The following COL9A1 variants were observed in gnomAD, a reference collection of about 807,000 sequenced individuals.
The protein encoded by COL9A1 is collagen type IX alpha 1 chain.
Under a neutral mutation model 142.6 loss-of-function variants are expected in COL9A1, and 104 were observed. The ratio of observed to expected loss-of-function variants is 0.73; its 90% CI spans 0.62 to 0.86. COL9A1 has a LOEUF of 0.86. COL9A1 is among the 40% of genes least tolerant of loss of function. The pLI, the probability that COL9A1 is intolerant of heterozygous loss-of-function variation, is 0.00. For missense variants in COL9A1, 1,210 were observed against 1,176.6 expected (o/e 1.03, Z -0.42); for synonymous variants, 466 against 396.0 (o/e 1.18, Z -2.10).
intron 37 of COL9A1, among the ~76,000 whole-genome samples, chr6:70,223,676 C>T (rs546762992): frequency 7.4e-4 from 113 of 152,226 alleles, no homozygotes; most frequent in Admixed American, 1.2e-3. Context: ...ACGAGGACAC[C>T]GCGCCAAAGC....
chr6:70,260,371 G>A (rs769180313), intron 20 of COL9A1, among the ~76,000 whole-genome samples: 4 of 151,860 alleles, frequency 2.6e-5, no homozygotes, highest in East Asian at 2.0e-4. Context: ...GTGAAACCCC[G>A]TCTCTACTAA....
In COL9A1 at chr6:70,216,860, C is replaced by G. The variant is rs535973057; in HGVS notation, c.*37G>C. 4 of 1,610,742 alleles carry G rather than the reference C, an allele frequency of 2.5e-6. No individual in the cohort carries two copies. The highest frequency in any genetic ancestry group is 3.4e-6 in the Non-Finnish European group (4 of 1,177,958). ...TTCTCACCCAGGCTCCTTCACCAGG[C>G]GTGGTTCATGCAGACAGCCATGCAG... On this transcript the variant is annotated 3_prime_UTR_variant, in exon 38 of 38. Coordinates refer to ENST00000357250, the MANE Select transcript of COL9A1 (RefSeq NM_001851.6).
At chr6:70,259,737 A>T (rs1030386923) in intron 20 of COL9A1, among the ~76,000 whole-genome samples, 1 of 152,134 alleles carries the variant, frequency 6.6e-6, no homozygotes, top group Non-Finnish European at 1.5e-5. Context: ...GTAGTTAACT[A>T]ACTACTTATT....
chr6:70,285,514 A>G (rs190721198), intron 5 of COL9A1, among the ~76,000 whole-genome samples: 18 of 152,350 alleles, frequency 1.2e-4, no homozygotes, highest in African/African-American at 4.1e-4. Context: ...TCACTGACAA[A>G]GTATATGTGA....
intron 20 of COL9A1, among the ~76,000 whole-genome samples, chr6:70,260,156 G>A (rs1035349695): frequency 6.6e-6 from 1 of 152,102 alleles, no homozygotes; most frequent in African/African-American, 2.4e-5. Context: ...ATTAAGACAT[G>A]GCAAATATCA....
At chr6:70,284,318 G>C (rs534616084) in intron 5 of COL9A1, among the ~76,000 whole-genome samples, 1 of 152,066 alleles carries the variant, frequency 6.6e-6, no homozygotes, top group Non-Finnish European at 1.5e-5. Flanking sequence ...GTAGAAGAAA[G>C]AAAATCTAGT....
rs770787617 is a variant in COL9A1, at chr6:70,216,701, A to G, written c.*196T>C. ...ACTCTGCTGTCTTCCCTCCAAGGGA[A>G]AGGAAAGAGAACTTACTGAATAGCA... On this transcript the variant is annotated 3_prime_UTR_variant, in exon 38 of 38. Coordinates refer to ENST00000357250, the MANE Select transcript of COL9A1 (RefSeq NM_001851.6). The G allele has an allele frequency of 6.3e-6, 4 of 632,710 alleles. No homozygotes were observed. The highest frequency in any genetic ancestry group is 1.1e-5 in the Non-Finnish European group (4 of 354,756). The allele number at this position is 632,710 out of a possible 1,614,324, so 39.2% of individuals were successfully genotyped here.
At chr6:70,301,000 C>T (rs1188894928) in intron 2 of COL9A1, among the ~76,000 whole-genome samples, 1 of 151,956 alleles carries the variant, frequency 6.6e-6, no homozygotes, top group African/African-American at 2.4e-5. Context: ...TTCATAAATT[C>T]GTTCTAAGAG....
chr6:70,255,615 C>T (rs754039392), intron 21 of COL9A1, among the ~76,000 whole-genome samples: 1 of 152,112 alleles, frequency 6.6e-6, no homozygotes, highest in Non-Finnish European at 1.5e-5. Context: ...TTTGTTTTCC[C>T]CTTAAATGCA....
intron 6 of COL9A1, 107 bp from the exon 7 acceptor site, chr6:70,283,025 C>G (rs1407259819): frequency 1.2e-6 from 2 of 1,610,164 alleles, no homozygotes; most frequent in South Asian, 2.2e-5. Flanking sequence ...AGCCCCAGGG[C>G]CCCGCGGTCC....
chr6:70,217,517 C>G (rs770715612), intron 37 of COL9A1, among the ~76,000 whole-genome samples: 1 of 152,186 alleles, frequency 6.6e-6, no homozygotes, highest in Non-Finnish European at 1.5e-5. Flanking sequence ...TGATCTTTTG[C>G]ACACAGTGGG....
At chr6:70,237,735 T>TA (rs897734977) in intron 33 of COL9A1, among the ~76,000 whole-genome samples, 6 of 152,224 alleles carry the variant, frequency 3.9e-5, no homozygotes, top group Non-Finnish European at 8.8e-5. Flanking sequence ...CCATTTCTGT[T>TA]AAAAATTCTT....
At chr6:70,278,853 T>G (rs1422140037) in intron 10 of COL9A1, among the ~76,000 whole-genome samples, 1 of 152,150 alleles carries the variant, frequency 6.6e-6, no homozygotes, top group Non-Finnish European at 1.5e-5. Flanking sequence ...GGAAATTACT[T>G]TATAAGCAAA....
At chr6:70,225,656 A>G (rs1769183619) in intron 37 of COL9A1, among the ~76,000 whole-genome samples, 1 of 151,998 alleles carries the variant, frequency 6.6e-6, no homozygotes, top group Admixed American at 6.6e-5. Flanking sequence ...AGAATTTTAT[A>G]ACAAGTGCAT....
chr6:70,256,639 A>AAC, intron 21 of COL9A1, 129 bp downstream of exon 21: 1 of 632,336 alleles, frequency 1.6e-6, no homozygotes, highest in Non-Finnish European at 2.7e-6. Context: ...TTTAAATTTA[A>AAC]ACATATATAT....
intron 37 of COL9A1, among the ~76,000 whole-genome samples, chr6:70,220,529 A>C (rs1024909745): frequency 1.3e-5 from 2 of 151,904 alleles, no homozygotes; most frequent in African/African-American, 4.8e-5. Context: ...AGAAACTAAG[A>C]TATTTCTCTG....
chr6:70,292,769 A>G lies in COL9A1; in HGVS notation c.696+1398T>C, dbSNP rs559994920. On this transcript the variant is annotated intron_variant, in intron 5 of 37. Coordinates refer to ENST00000357250, the MANE Select transcript of COL9A1 (RefSeq NM_001851.6). ...ACCCGTGGCCCAGAAATGAACAGCT[A>G]TTTGCAGAAGTTCAGTGTTGTCTGA... 6.6e-5 allele frequency among the ~76,000 whole-genome samples: 10 copies of G among 152,324 alleles called. No homozygotes were observed. In the East Asian group the frequency reaches 1.9e-3, roughly 29 times the overall value.
intron 10 of COL9A1, chr6:70,279,938 T>C: frequency 1.6e-6 from 1 of 622,456 alleles, no homozygotes; most frequent in South Asian, 2.2e-5. Flanking sequence ...ACTTGAGTGA[T>C]GCACCATGGT....
chr6:70,274,967 T>C lies in COL9A1; in HGVS notation c.976-195A>G, dbSNP rs572714260. 8.5e-6 allele frequency: 5 copies of C among 585,860 alleles called. No homozygotes were observed. In the Admixed American group the frequency reaches 1.5e-4, roughly 17 times the overall value. The allele number at this position is 585,860 out of a possible 1,614,324, so 36.3% of individuals were successfully genotyped here. On this transcript the variant is annotated intron_variant, in intron 10 of 37. Coordinates refer to ENST00000357250, the MANE Select transcript of COL9A1 (RefSeq NM_001851.6). ...ACAGAAGATCTGCCTGTTGTGATTA[T>C]TTCTTCTTGATAAGTTGTATCATAC...
Sources: gnomAD v4.1 joint callset for allele counts (sites outside exome capture counted in the v4.1 genomes callset) on GRCh38, gnomAD v4.1.1 for gene constraint, MANE v1.5 for transcripts, NCBI Gene and HGNC (gene_info 2026-07-23, HGNC 2026-07-21) for gene names.